Variants in RPH3AL observed in about 807,000 individuals in gnomAD.
RPH3AL encodes the protein rabphilin 3A like (without C2 domains), also known as rab effector Noc2.
A neutral mutation model predicts 43.1 loss-of-function variants in RPH3AL; 38 were observed. The ratio of observed to expected loss-of-function variants is 0.88; its 90% CI spans 0.68 to 1.15. The LOEUF (loss-of-function observed/expected upper bound fraction) is 1.15. Among genes scored for constraint, RPH3AL ranks in the 50% most tolerant of loss-of-function variants. RPH3AL has a pLI of 0.00. For missense variants in RPH3AL, 462 were observed against 423.2 expected (o/e 1.09, Z -0.81); for synonymous variants, 189 against 176.3 (o/e 1.07, Z -0.57).
intron 7 of RPH3AL, among the ~76,000 whole-genome samples, chr17:238,667 G>A (rs1244209249): frequency 1.3e-5 from 2 of 152,168 alleles, no homozygotes; most frequent in Admixed American, 6.5e-5. Context: ...TCTGAGCTTC[G>A]TATTTTATGA....
chr17:272,646 C>G (rs1026756924), intron 6 of RPH3AL, among the ~76,000 whole-genome samples: 23 of 149,180 alleles, frequency 1.5e-4, no homozygotes, highest in African/African-American at 4.9e-4. Flanking sequence ...AGGAGATATA[C>G]CTAATGCTAA....
At chr17:331,615 C>T (rs749274962) in intron 2 of RPH3AL, 3 of 1,287,320 alleles carry the variant, frequency 2.3e-6, no homozygotes, top group South Asian at 1.2e-5. Context: ...GCCCACGGAG[C>T]CAGTTTCGAT....
At chr17:339,289 G>A (rs935113892) in intron 1 of RPH3AL, among the ~76,000 whole-genome samples, 3 of 152,230 alleles carry the variant, frequency 2.0e-5, no homozygotes, top group East Asian at 1.9e-4. Flanking sequence ...GAGGGCCAGC[G>A]GAGGGCTCAG....
Position 215,745 on chromosome 17 carries a change from C to A in RPH3AL, c.785G>T (p.Gly262Val), listed in dbSNP as rs1276998667. Residue 262 changes from glycine to valine, a missense_variant, in exon 9 of 10, where the codon GGG becomes GTG. Coordinates refer to ENST00000331302, the MANE Select transcript of RPH3AL (RefSeq NM_006987.4). This position sits in a 1 kb window ranked among gnomAD's most constrained non-coding sequence, Gnocchi z 4.1. ...GFTHPPGHLS[G>V]CQSSLASGET... is the part of the protein sequence containing the mutation. ...ACCACTGGCCAGGCTGCTCTGGCACCCAGAGAGGTGGCCCGGCGGGTGGGT... is the reference window on the plus strand; with the variant it reads ...ACCACTGGCCAGGCTGCTCTGGCACACAGAGAGGTGGCCCGGCGGGTGGGT... The A allele has an allele frequency of 7.6e-7, 1 of 1,308,522 alleles. No homozygotes were observed. Among genetic ancestry groups the A allele is most frequent in the Non-Finnish European group, 9.8e-7 (1 of 1,025,454 alleles). 81.1% of individuals were successfully genotyped at this position (1,308,522 alleles called of 1,614,324 possible).
At chr17:259,189 A>G (rs1230636126) in intron 6 of RPH3AL, among the ~76,000 whole-genome samples, 1 of 152,198 alleles carries the variant, frequency 6.6e-6, no homozygotes, top group Non-Finnish European at 1.5e-5. Context: ...ATGGCTGGTG[A>G]TCTGGACCAG....
chr17:316,816 C>T (rs2044239964), intron 5 of RPH3AL, among the ~76,000 whole-genome samples: 1 of 150,588 alleles, frequency 6.6e-6, no homozygotes. Context: ...TGTGCCCCCA[C>T]CTCCATTGAC....
rs371744392 is a variant in RPH3AL, at chr17:333,101, C to T, written c.-37+658G>A. On this transcript the variant is annotated intron_variant, in intron 2 of 9. Coordinates refer to ENST00000331302, the MANE Select transcript of RPH3AL (RefSeq NM_006987.4). This position sits in a 1 kb window ranked among gnomAD's most constrained non-coding sequence, Gnocchi z 4.5. ...AAAGTCGAGAGCTCACCACCCCGGG[C>T]GTTCGTCACTGCAGACATCACTGCA... 7.8e-5 allele frequency: 100 copies of T among 1,282,332 alleles called. No individual in the cohort carries two copies. Among genetic ancestry groups the T allele is most frequent in the African/African-American group, 4.1e-4 (27 of 65,390 alleles). 79.4% of individuals were successfully genotyped at this position (1,282,332 alleles called of 1,614,324 possible).
rs371267890 is a variant in RPH3AL at position 319,777 on chromosome 17, A to G, written c.222-228T>C. ...GAATACTGTAGCAAACAAGCCAGAG[A>G]CAGACATGGTCCCTGTTCTCATGGA... On this transcript the variant is annotated intron_variant, in intron 4 of 9. Transcript: ENST00000331302. Among the ~76,000 whole-genome samples the G allele has an allele frequency of 2.7e-5, 4 of 148,720 alleles. 1 individual carries two copies. The highest frequency in any genetic ancestry group is 2.0e-4 in the East Asian group (1 of 5,000).
chr17:302,194 A>C (rs939090715), intron 5 of RPH3AL, among the ~76,000 whole-genome samples: 1 of 152,242 alleles, frequency 6.6e-6, no homozygotes, highest in African/African-American at 2.4e-5. Context: ...ACTGAGCCCG[A>C]GCTGCCTGGG....
At chr17:330,570 A>G (rs34004952) in intron 2 of RPH3AL, among the ~76,000 whole-genome samples, 49,302 of 152,144 alleles carry the variant, frequency 0.32, 8,749 homozygotes, top group Admixed American at 0.5. Flanking sequence ...ATTCTTTTCA[A>G]AGTAAACACT....
At chr17:277,601 C>T (rs920711813) in intron 6 of RPH3AL, among the ~76,000 whole-genome samples, 10 of 152,150 alleles carry the variant, frequency 6.6e-5, no homozygotes. Flanking sequence ...AGGGGGAGAT[C>T]GGATTCTGTC....
rs79136468 is a variant in RPH3AL at position 236,873 on chromosome 17, G to A, written c.613+10238C>T. ...TTCCGCCACGGGCGGGGCATGCGCT[G>A]GGTTTTGGAAGCCGGGATCCTGGGC... On this transcript the variant is annotated intron_variant, in intron 7 of 9. Transcript: ENST00000331302. Among the ~76,000 whole-genome samples the A allele has an allele frequency of 5.5e-3, 837 of 152,398 alleles. 8 individuals carry two copies. Among genetic ancestry groups the A allele is most frequent in the African/African-American group, 0.019 (792 of 41,596 alleles).
At chr17:266,679 C>T (rs1253310881) in intron 6 of RPH3AL, among the ~76,000 whole-genome samples, 1 of 152,166 alleles carries the variant, frequency 6.6e-6, no homozygotes, top group Non-Finnish European at 1.5e-5. Flanking sequence ...GGGAGGCAGG[C>T]AACTGCCAGC....
chr17:293,040 A>G (rs909938443), intron 5 of RPH3AL, among the ~76,000 whole-genome samples: 2 of 152,062 alleles, frequency 1.3e-5, no homozygotes, highest in Non-Finnish European at 2.9e-5. Flanking sequence ...TCCCAGGGGA[A>G]CCAGCCACTC....
In RPH3AL at chr17:227,212, G is replaced by T. The variant is rs141410665; in HGVS notation, c.614-7476C>A. On this transcript the variant is annotated intron_variant, in intron 7 of 9. Transcript: ENST00000331302. ...TCATCCTCAGCAGTGGCCAGCCCCA[G>T]CGCCAGCCGTGCCCACTTCTCTGGG... Among the ~76,000 whole-genome samples the T allele has an allele frequency of 1.5e-3, 231 of 152,342 alleles. 2 individuals are homozygous for T. The East Asian group carries it at 0.021, about 14-fold the overall frequency.
intron 2 of RPH3AL, among the ~76,000 whole-genome samples, chr17:327,798 T>C (rs553616483): frequency 1.2e-4 from 18 of 152,078 alleles, no homozygotes; most frequent in Non-Finnish European, 2.6e-4. Context: ...ACCAGGTGGA[T>C]CATGTGGCCG....
chr17:242,857 C>T (rs868116126), intron 7 of RPH3AL, among the ~76,000 whole-genome samples: 2 of 127,074 alleles, frequency 1.6e-5, no homozygotes, highest in African/African-American at 5.8e-5. Flanking sequence ...TTACCTTCCT[C>T]TATTGATTAC....
intron 2 of RPH3AL, among the ~76,000 whole-genome samples, chr17:329,699 C>T (rs927797916): frequency 2.0e-5 from 3 of 152,204 alleles, no homozygotes; most frequent in African/African-American, 7.2e-5. Context: ...ATTTTTACAA[C>T]TCTTTTTAAT....
rs1184500650 is a variant in RPH3AL, at chr17:314,008, C to A, written c.351+5412G>T. On this transcript the variant is annotated intron_variant, in intron 5 of 9. Transcript: ENST00000331302. ...TCTGCTCAACACCAAGAACCATCTG[C>A]AACAGAAACGCCCGGACCAGCCCAC... Among the ~76,000 whole-genome samples, 3 of 152,332 alleles carry A rather than the reference C, an allele frequency of 2.0e-5. No homozygotes were observed. The East Asian group carries it at 5.8e-4, about 29-fold the overall frequency.
Sources: gnomAD v4.1 joint callset for allele counts (sites outside exome capture counted in the v4.1 genomes callset) on GRCh38, gnomAD v4.1.1 for gene constraint, Gnocchi (gnomAD v3.1) non-coding constraint, MANE v1.5 for transcripts, NCBI Gene and HGNC (gene_info 2026-07-23, HGNC 2026-07-21) for gene names.